UTRN: variants seen among roughly 807,000 people sequenced by gnomAD.
The protein encoded by UTRN is utrophin.
UTRN carries 283 observed loss-of-function variants against 463.9 expected under a neutral mutation model. The observed-to-expected ratio is 0.61, with a 90% CI of 0.55 to 0.67. The LOEUF (loss-of-function observed/expected upper bound fraction) is 0.67, where lower values mean the gene tolerates loss of function less well. Ranked by LOEUF, UTRN falls within the 30% of genes least tolerant of loss-of-function variation. The pLI, the probability that UTRN is intolerant of heterozygous loss-of-function variation, is 0.00. For synonymous variants in UTRN, 1,442 were observed against 1,431.5 expected (o/e 1.01, Z -0.17); for missense variants, 3,922 against 4,084.3 (o/e 0.96, Z 1.08).
intron 63 of UTRN, among the ~76,000 whole-genome samples, chr6:144,796,100 G>A (rs1316551129): frequency 2.6e-5 from 4 of 152,154 alleles, no homozygotes; most frequent in African/African-American, 4.8e-5. Flanking sequence ...TGAGGTGTAA[G>A]GAAGGGGTTA....
chr6:144,753,975 G>T (rs1299156612), intron 56 of UTRN, among the ~76,000 whole-genome samples: 1 of 152,100 alleles, frequency 6.6e-6, no homozygotes, highest in African/African-American at 2.4e-5. Context: ...AAGTAGAGAT[G>T]ATCAGATACA....
Position 144,453,825 on chromosome 6 carries a change from A to T in UTRN, c.2240A>T (p.Glu747Val), listed in dbSNP as rs1245461613. 10 of 1,613,644 alleles carry T rather than the reference A, an allele frequency of 6.2e-6. No homozygotes were observed. The highest frequency in any genetic ancestry group is 8.5e-6 in the Non-Finnish European group (10 of 1,179,812). Residue 747 changes from glutamate (E) to valine (V), a missense_variant, in exon 19 of 75, where the codon GAA becomes GTA. Glu to Val is a moderately radical substitution (Grantham distance 121). This residue lies in a region of UTRN where 2,349 missense variants were observed against 2,303.8 expected (regional missense o/e 1.02). Transcript: ENST00000367545. ...EQRERIPRAD[E>V]LNQTGQILVE... ...AGAGAAAGAATCCCCAGAGCAGATG[A>T]ATTAAACCAAACTGGACAAATCCTT...
intron 45 of UTRN, among the ~76,000 whole-genome samples, chr6:144,540,764 A>G (rs1458951917): frequency 6.6e-6 from 1 of 152,216 alleles, no homozygotes; most frequent in African/African-American, 2.4e-5. Context: ...CCCCCAAACC[A>G]AAAACTATAC....
chr6:144,772,712 G>A (rs1418364911), intron 59 of UTRN, among the ~76,000 whole-genome samples: 1 of 152,144 alleles, frequency 6.6e-6, no homozygotes, highest in Non-Finnish European at 1.5e-5. Flanking sequence ...TGTCTAAATT[G>A]TTAAAAGCTA....
At chr6:144,684,886 G>A (rs542518131) in intron 52 of UTRN, among the ~76,000 whole-genome samples, 1 of 152,160 alleles carries the variant, frequency 6.6e-6, no homozygotes, top group African/African-American at 2.4e-5. Flanking sequence ...TACAATTTCA[G>A]TAGCTTTAAG....
At chr6:144,637,605 T>G (rs1777317464) in intron 51 of UTRN, among the ~76,000 whole-genome samples, 1 of 151,986 alleles carries the variant, frequency 6.6e-6, no homozygotes, top group East Asian at 1.9e-4. Context: ...TTTTATGTAT[T>G]TTTATACAAG....
At chr6:144,369,418 A>G (rs1253607059) in intron 2 of UTRN, among the ~76,000 whole-genome samples, 1 of 152,226 alleles carries the variant, frequency 6.6e-6, no homozygotes, top group East Asian at 1.9e-4. Flanking sequence ...AGAGATCGAG[A>G]CCATCCTGGC....
chr6:144,803,604 T>A (rs1777890434), intron 65 of UTRN, among the ~76,000 whole-genome samples: 1 of 152,080 alleles, frequency 6.6e-6, no homozygotes, highest in African/African-American at 2.4e-5. Context: ...TATTTATGTA[T>A]CTTTTTCCCT....
intron 41 of UTRN, among the ~76,000 whole-genome samples, chr6:144,527,016 C>T (rs1410332465): frequency 6.6e-6 from 1 of 151,870 alleles, no homozygotes; most frequent in Non-Finnish European, 1.5e-5. Flanking sequence ...GCCAGGCTGA[C>T]CTCAAACTCC....
intron 61 of UTRN, among the ~76,000 whole-genome samples, chr6:144,787,149 A>C (rs1339127076): frequency 2.6e-5 from 4 of 152,182 alleles, no homozygotes; most frequent in Non-Finnish European, 4.4e-5. Context: ...CAGCCCGTTC[A>C]CAAAGCCTTC....
At chr6:144,664,859 CTAT>C (rs1314479221) in intron 51 of UTRN, among the ~76,000 whole-genome samples, 1 of 151,308 alleles carries the variant, frequency 6.6e-6, no homozygotes, top group Non-Finnish European at 1.5e-5. Context: ...TTTGCCTATT[CTAT>C]TATTATTTAA....
At chr6:144,840,947 A>G in intron 73 of UTRN, 115 bp downstream of exon 73, 1 of 1,065,868 alleles carries the variant, frequency 9.4e-7, no homozygotes, top group East Asian at 2.6e-5. Flanking sequence ...TACAAACAGG[A>G]CTGAATATTA....
intron 55 of UTRN, among the ~76,000 whole-genome samples, chr6:144,749,165 T>C (rs996571366): frequency 6.6e-6 from 1 of 152,182 alleles, no homozygotes; most frequent in East Asian, 1.9e-4. Context: ...GGTTCCCATA[T>C]TCTAGAACAT....
chr6:144,291,304 T>C (rs1804225545), intron 1 of UTRN, among the ~76,000 whole-genome samples: 1 of 152,240 alleles, frequency 6.6e-6, no homozygotes, highest in South Asian at 2.1e-4. Flanking sequence ...TGCTCCATGA[T>C]TCTTTCTGCC....
At chr6:144,311,340 G>T (rs1381929048) in intron 2 of UTRN, among the ~76,000 whole-genome samples, 1 of 152,186 alleles carries the variant, frequency 6.6e-6, no homozygotes, top group Non-Finnish European at 1.5e-5. Flanking sequence ...CAGAGTTTGG[G>T]GGGTGGGACT....
At chr6:144,652,407 T>C (rs1425325370) in intron 51 of UTRN, among the ~76,000 whole-genome samples, 1 of 152,180 alleles carries the variant, frequency 6.6e-6, no homozygotes, top group Admixed American at 6.5e-5. Flanking sequence ...TTCTGCAACT[T>C]AGATCCATGT....
chr6:144,370,033 G>T (rs992850570), intron 2 of UTRN, among the ~76,000 whole-genome samples: 1 of 152,196 alleles, frequency 6.6e-6, no homozygotes, highest in Non-Finnish European at 1.5e-5. Context: ...ACTAATGCAA[G>T]AAATTTGTAC....
chr6:144,348,914 A>G (rs1777843214), intron 2 of UTRN, among the ~76,000 whole-genome samples: 1 of 151,964 alleles, frequency 6.6e-6, no homozygotes, highest in Non-Finnish European at 1.5e-5. Context: ...AGCCTGGGCA[A>G]CAAGAGCGAA....
chr6:144,669,740 C>T (rs901490729), intron 51 of UTRN, among the ~76,000 whole-genome samples: 3 of 152,066 alleles, frequency 2.0e-5, no homozygotes, highest in Non-Finnish European at 4.4e-5. Flanking sequence ...ACCCCACCTC[C>T]CACCCTTCCC....
Sources: gnomAD v4.1 joint callset for allele counts (sites outside exome capture counted in the v4.1 genomes callset) on GRCh38, gnomAD v4.1.1 for gene constraint, gnomAD v4.1.1 regional missense constraint, MANE v1.5 for transcripts, NCBI Gene and HGNC (gene_info 2026-07-23, HGNC 2026-07-21) for gene names.